LAD1: variants seen among roughly 807,000 people sequenced by gnomAD.
LAD1 encodes ladinin-1.
A neutral mutation model predicts 54.2 loss-of-function variants in LAD1; 53 were observed. The ratio of observed to expected loss-of-function variants is 0.98; its 90% CI spans 0.78 to 1.23. LAD1 has a LOEUF of 1.23. LAD1 is among the 50% of genes most tolerant of loss of function. The pLI is 0.00. For missense variants in LAD1, 637 were observed against 653.3 expected, an observed-to-expected ratio of 0.98 and a Z score of 0.27; for synonymous variants, 231 against 257.7, an observed-to-expected ratio of 0.90 and a Z score of 0.99.
At chr1:201,399,210 A>G in intron 1 of LAD1, 59 bp downstream of exon 1, 1 of 1,371,380 alleles carries the variant, frequency 7.3e-7, no homozygotes, top group South Asian at 1.2e-5. Context: ...CCCCGAGGAG[A>G]GGAGACCCAA....
At chr1:201,397,556 C>A (rs1204665885) in intron 1 of LAD1, among the ~76,000 whole-genome samples, 1 of 152,196 alleles carries the variant, frequency 6.6e-6, no homozygotes, top group Non-Finnish European at 1.5e-5. Flanking sequence ...TCCCCACACA[C>A]ACACACCCCC....
Position 201,386,810 on chromosome 1 carries a change from G to A in LAD1, c.551C>T (p.Ser184Phe). The A allele has an allele frequency of 6.2e-7, 1 of 1,613,918 alleles. No individual in the cohort carries two copies. The highest frequency in any genetic ancestry group is 8.5e-7 in the Non-Finnish European group (1 of 1,179,986). The change falls in exon 3 of 10, where the codon TCC becomes TTC. Residue 184 changes from serine to phenylalanine, a missense_variant. By Grantham distance (155) the Ser-to-Phe change is radical. Transcript: ENST00000391967. ...PEKSPVLEKS[S>F]MPKKTAPEKS... is the part of the protein sequence containing the mutation. ...TTCAGGTGCCGTCTTCTTTGGCATG[G>A]AGGACTTCTCCAAGACTGGGGACTT...
chr1:201,393,058 G>A (rs1206548659), intron 1 of LAD1, among the ~76,000 whole-genome samples: 3 of 152,120 alleles, frequency 2.0e-5, no homozygotes, highest in African/African-American at 4.8e-5. Flanking sequence ...ATTTCTGGAG[G>A]GCCATTAATA....
Position 201,399,261 on chromosome 1 carries a change from G to C in LAD1, c.38+8C>G. ...CCCCCGCCCCTCCCGGCTCCCTCCG[G>C]CGCTCACCTGGACAGCGCGGACCAG... On this transcript the variant is annotated splice_region_variant and intron_variant, in intron 1 of 9. Coordinates refer to ENST00000391967, the MANE Select transcript of LAD1 (RefSeq NM_005558.4). 1 of 1,553,714 alleles carries C rather than the reference G, an allele frequency of 6.4e-7. No homozygotes were observed. The highest frequency in any genetic ancestry group is 8.6e-7 in the Non-Finnish European group (1 of 1,156,646).
chr1:201,384,886 T>C (rs1662042583), intron 4 of LAD1, 51 bp from the exon 5 acceptor site: 1 of 1,594,638 alleles, frequency 6.3e-7, no homozygotes, highest in Non-Finnish European at 8.6e-7. Context: ...GGGAAATCGG[T>C]GGCCCCCTCG....
chr1:201,393,057 G>A (rs573496930), intron 1 of LAD1, among the ~76,000 whole-genome samples: 50 of 152,300 alleles, frequency 3.3e-4, no homozygotes, highest in Admixed American at 1.4e-3. Flanking sequence ...TATTTCTGGA[G>A]GGCCATTAAT....
rs770662028 is a variant in LAD1, at chr1:201,386,486, G to T, written c.875C>A (p.Ala292Glu). 3.8e-6 allele frequency: 6 copies of T among 1,559,756 alleles called. No homozygotes were observed. Among genetic ancestry groups the T allele is most frequent in the African/African-American group, 2.8e-5 (2 of 72,574 alleles). Residue 292 changes from alanine (A) to glutamate (E), a missense_variant, in exon 3 of 10, where the codon GCG becomes GAG. Physicochemically the swap from Ala to Glu is moderately radical, Grantham distance 107. Transcript: ENST00000391967. ...TCCCCCAGAGGCTGGCGGCTCCTGC[G>T]CCAGGGGCTGCTCTGAGGCTGTGGC... ...KRATASEQPL[A>E]QEPPASGGSP...
rs940181453 is a variant in LAD1 at position 201,386,933 on chromosome 1, C to T, written c.428G>A (p.Arg143His). The change falls in exon 3 of 10, where the codon CGC becomes CAC. Residue 143 changes from arginine (R) to histidine (H), a missense_variant. Physicochemically the swap from Arg to His is conservative, Grantham distance 29. Coordinates refer to ENST00000391967, the MANE Select transcript of LAD1 (RefSeq NM_005558.4). ...VSKKELEIPP[R>H]RRLSREQRGP... ...CCGCTGTTCCCGACTCAGTCTCCGG[C>T]GAGGTGGGATTTCCAGTTCCTTCTT... The T allele has an allele frequency of 3.1e-6, 5 of 1,612,308 alleles. No individual in the cohort carries two copies. The highest frequency in any genetic ancestry group is 1.7e-5 in the Admixed American group (1 of 59,568).
intron 2 of LAD1, among the ~76,000 whole-genome samples, chr1:201,388,639 C>T (rs549443254): frequency 4.5e-4 from 68 of 150,652 alleles, no homozygotes; most frequent in African/African-American, 1.5e-3. Flanking sequence ...GCTGAGATCG[C>T]GCCACTGCAC....
intron 3 of LAD1, 95 bp from the exon 4 acceptor site, chr1:201,385,900 A>G: frequency 1.1e-6 from 1 of 881,784 alleles, no homozygotes; most frequent in Non-Finnish European, 1.9e-6. Context: ...AGCTGCAGGA[A>G]GAGGGGAGAA....
intron 3 of LAD1, 105 bp downstream of exon 3, chr1:201,386,230 G>A: frequency 8.7e-7 from 1 of 1,144,100 alleles, no homozygotes; most frequent in South Asian, 2.5e-5. Flanking sequence ...CTGCAGGTAG[G>A]AGGATGGAGG....
intron 1 of LAD1, among the ~76,000 whole-genome samples, chr1:201,392,344 G>A (rs945216465): frequency 6.6e-6 from 1 of 152,242 alleles, no homozygotes; most frequent in Non-Finnish European, 1.5e-5. Flanking sequence ...CCCCTTCACA[G>A]GGCACACATC....
rs1662009714 is a variant in LAD1 at position 201,383,448 on chromosome 1, G to A, written c.1176-59C>T. The A allele has an allele frequency of 1.2e-5, 18 of 1,490,192 alleles. No homozygotes were observed. The East Asian group carries it at 3.6e-4, about 30-fold the overall frequency. The allele number at this position is 1,490,192 out of a possible 1,614,324, so 92.3% of individuals were successfully genotyped here. On this transcript the variant is annotated intron_variant, in intron 5 of 9. Transcript: ENST00000391967. ...TGAGACACCCAGGGAGACCAGGCCT[G>A]CCCCCAGGGCCTGAGGAGCAGCCCC...
intron 8 of LAD1, 103 bp from the exon 9 acceptor site, chr1:201,382,429 C>G: frequency 9.9e-7 from 1 of 1,013,326 alleles, no homozygotes; most frequent in South Asian, 1.3e-5. Context: ...CTTTCTCTTC[C>G]CAAAAGAGAA....
rs1270291305 is a variant in LAD1 at position 201,381,302 on chromosome 1, G to A, written c.*586C>T. ...GTGGTTGCACACAAAAAGGCACTTAGCTCCTGGCCATGGCAGCCGGCCAGG... is the reference window on the plus strand; with the variant it reads ...GTGGTTGCACACAAAAAGGCACTTAACTCCTGGCCATGGCAGCCGGCCAGG... On this transcript the variant is annotated 3_prime_UTR_variant, in exon 10 of 10. Transcript: ENST00000391967. 1 of 161,422 alleles carries A rather than the reference G, an allele frequency of 6.2e-6. No individual in the cohort carries two copies. Among genetic ancestry groups the A allele is most frequent in the Non-Finnish European group, 1.4e-5 (1 of 72,418 alleles). The allele number at this position is 161,422 out of a possible 1,614,324, so 10.0% of individuals were successfully genotyped here.
At chr1:201,385,492 T>C (rs185245143) in intron 4 of LAD1, among the ~76,000 whole-genome samples, 1 of 152,328 alleles carries the variant, frequency 6.6e-6, no homozygotes, top group African/African-American at 2.4e-5. Context: ...GGGCTGCTCA[T>C]GCTTACTGGC....
At chr1:201,382,833 TC>T in intron 7 of LAD1, 94 bp from the exon 8 acceptor site, 1 of 1,022,442 alleles carries the variant, frequency 9.8e-7, no homozygotes. Flanking sequence ...TCTCCCTCAC[TC>T]CCCTATGCAT....
Position 201,385,776 on chromosome 1 carries a change from T to A in LAD1, c.1056A>T (p.Ala352=), listed in dbSNP as rs1558270445. ...QVKIPSKEEE[A]DMSSPTQRTY... ...TTCGCTGTGTGGGTGAGGACATATC[T>A]GCCTCTTCCTCCTTGCTGGGGATTT... Residue 352 remains alanine (A), a synonymous_variant, in exon 4 of 10, where the codon GCA becomes GCT. Transcript: ENST00000391967. The A allele has an allele frequency of 2.5e-6, 4 of 1,614,146 alleles. No homozygotes were observed. Among genetic ancestry groups the A allele is most frequent in the Non-Finnish European group, 3.4e-6 (4 of 1,179,962 alleles).
Position 201,386,441 on chromosome 1 carries a change from T to C in LAD1, c.920A>G (p.Glu307Gly). ...ASGGSPATTK[E>G]QRGRALPGKN... ...CCCAGGGAGGGCCCTTCCTCTCTGC[T>C]CCTTGGTGGTGGCTGGGCTTCCCCC... Residue 307 changes from glutamate to glycine, a missense_variant, in exon 3 of 10, where the codon GAG becomes GGG. By Grantham distance (98) the Glu-to-Gly change is moderately conservative. Transcript: ENST00000391967. 1 of 1,540,344 alleles carries C rather than the reference T, an allele frequency of 6.5e-7. No homozygotes were observed. The highest frequency in any genetic ancestry group is 8.7e-7 in the Non-Finnish European group (1 of 1,149,630).
Sources: allele counts gnomAD v4.1 joint callset (sites outside exome capture counted in the v4.1 genomes callset), GRCh38; gene constraint gnomAD v4.1.1; transcripts MANE v1.5; gene names NCBI Gene and HGNC (gene_info 2026-07-23, HGNC 2026-07-21).